The following ENAH variants were observed in gnomAD, a reference collection of about 807,000 sequenced individuals.
ENAH encodes ENAH actin regulator, also known as protein enabled homolog.
A neutral mutation model predicts 78.7 loss-of-function variants in ENAH; 23 were observed. The ratio of observed to expected loss-of-function variants is 0.29; its 90% CI spans 0.21 to 0.41. The LOEUF is 0.41. Ranked by LOEUF, ENAH falls within the 10% of genes least tolerant of loss-of-function variation. The pLI is 1.00. For missense variants in ENAH, 544 were observed against 691.0 expected (o/e 0.79, Z 2.39); for synonymous variants, 226 against 241.0 (o/e 0.94, Z 0.58).
At position 225,491,145 on chromosome 1, in the gene ENAH, CATTT is replaced by C. The variant is rs1187913128; in HGVS notation, c.*6626_*6629del. Reference sequence around the variant, plus strand: ...TTCTCACATAAAACACGTTGAAAAACATTTATTTATTTAGAGATGGAATCTCGCT... The same window carrying C: ...TTCTCACATAAAACACGTTGAAAAACATTTATTTAGAGATGGAATCTCGCT... On this transcript the variant is annotated 3_prime_UTR_variant, in exon 14 of 14. Coordinates refer to ENST00000366843, the MANE Select transcript of ENAH (RefSeq NM_018212.6). The C allele has an allele frequency of 3.3e-5, 5 of 152,044 alleles. No individual in the cohort carries two copies. The highest frequency in any genetic ancestry group is 9.7e-5 in the African/African-American group (4 of 41,428). 9.4% of individuals were successfully genotyped at this position (152,044 alleles called of 1,614,324 possible). A position where few individuals can be genotyped will look rare whatever the true frequency, so the allele number is the denominator to read the frequency against.
intron 1 of ENAH, among the ~76,000 whole-genome samples, chr1:225,643,346 A>G (rs559443413): frequency 3.3e-5 from 5 of 152,204 alleles, no homozygotes; most frequent in African/African-American, 1.2e-4. Flanking sequence ...AGTGAAGGTG[A>G]CCTGGTAGGA....
intron 7 of ENAH, among the ~76,000 whole-genome samples, chr1:225,513,684 A>T (rs1176490076): frequency 6.6e-6 from 1 of 152,282 alleles, no homozygotes; most frequent in East Asian, 1.9e-4. Flanking sequence ...TTACTCTCAA[A>T]TCATTCAAAC....
chr1:225,512,657 A>G lies in ENAH; in HGVS notation c.1422T>C (p.Gly474=), dbSNP rs1049884016. The change falls in exon 9 of 14, where the codon GGT becomes GGC. Residue 474 remains glycine (G), a splice_region_variant and synonymous_variant. Coordinates refer to ENST00000366843, the MANE Select transcript of ENAH (RefSeq NM_018212.6). ...TIETEQKEDK[G]EDSEPVTSKA... is the part of the protein sequence containing the mutation. Reference sequence around the variant, plus strand: ...TGGTAGACTATCTTTATTAACTTACACCTTTGTCCTCTTTTTGTTCTGTTT... The same window carrying G: ...TGGTAGACTATCTTTATTAACTTACGCCTTTGTCCTCTTTTTGTTCTGTTT... The G allele has an allele frequency of 1.9e-6, 3 of 1,612,504 alleles. No homozygotes were observed. The highest frequency in any genetic ancestry group is 2.5e-6 in the Non-Finnish European group (3 of 1,179,156).
chr1:225,652,586 G>A, intron 1 of ENAH, 100 bp downstream of exon 1: 4 of 1,166,280 alleles, frequency 3.4e-6, no homozygotes, highest in South Asian at 3.3e-5. Flanking sequence ...CAGGGGAGAC[G>A]CGCCGGGCCG....
At chr1:225,626,965 G>T in intron 1 of ENAH, among the ~76,000 whole-genome samples, 1 of 152,260 alleles carries the variant, frequency 6.6e-6, no homozygotes, top group African/African-American at 2.4e-5. Flanking sequence ...CACGACACAA[G>T]TACATATCAT....
chr1:225,548,165 C>CT (rs142174491), intron 3 of ENAH, among the ~76,000 whole-genome samples: 44 of 142,108 alleles, frequency 3.1e-4, no homozygotes, highest in Non-Finnish European at 2.9e-4. Flanking sequence ...TGAAAGCCTA[C>CT]TTTTTTTTTT....
At chr1:225,568,622 T>TA (rs2151519286) in intron 1 of ENAH, among the ~76,000 whole-genome samples, 1 of 152,332 alleles carries the variant, frequency 6.6e-6, no homozygotes, top group South Asian at 2.1e-4. Context: ...TCAAAAATTT[T>TA]AAACAATAAA....
At chr1:225,499,278 T>A (rs1771317) in intron 12 of ENAH, among the ~76,000 whole-genome samples, 16,335 of 150,384 alleles carry the variant, frequency 0.11, 951 homozygotes, top group South Asian at 0.25. Context: ...AAAAAAAAAA[T>A]AAATAAATAA....
At chr1:225,552,423 C>T (rs527568985) in intron 3 of ENAH, among the ~76,000 whole-genome samples, 10 of 152,294 alleles carry the variant, frequency 6.6e-5, no homozygotes, top group Middle Eastern at 3.4e-3. Context: ...CAGGCGTGAG[C>T]CACCGTGCCC....
chr1:225,498,268 T>C, intron 13 of ENAH, 79 bp downstream of exon 13: 3 of 1,180,260 alleles, frequency 2.5e-6, no homozygotes, highest in Non-Finnish European at 3.7e-6. Flanking sequence ...AGCTGGGTAT[T>C]TCCTTATTTG....
chr1:225,542,548 G>A (rs557379657), intron 3 of ENAH, among the ~76,000 whole-genome samples: 1 of 152,306 alleles, frequency 6.6e-6, no homozygotes, highest in East Asian at 1.9e-4. Context: ...ATTTCAAGAA[G>A]CTGCTTACCA....
chr1:225,502,886 TG>T (rs2096291944), intron 11 of ENAH, among the ~76,000 whole-genome samples: 1 of 152,238 alleles, frequency 6.6e-6, no homozygotes, highest in South Asian at 2.1e-4. Context: ...ATTCATACTC[TG>T]CTTTTCTTTT....
At chr1:225,582,788 A>G (rs2096825494) in intron 1 of ENAH, among the ~76,000 whole-genome samples, 1 of 152,204 alleles carries the variant, frequency 6.6e-6, no homozygotes, top group Non-Finnish European at 1.5e-5. Flanking sequence ...ACCAAGTTAT[A>G]CAGATCTGTG....
chr1:225,607,610 C>T (rs1372795408), intron 1 of ENAH, among the ~76,000 whole-genome samples: 3 of 151,664 alleles, frequency 2.0e-5, no homozygotes, highest in Non-Finnish European at 2.9e-5. Context: ...CCATCAGACA[C>T]TCAGCCCATT....
Position 225,512,929 on chromosome 1 carries a change from G to C in ENAH, c.1306C>G (p.Pro436Ala). 1 of 1,613,986 alleles carries C rather than the reference G, an allele frequency of 6.2e-7. No homozygotes were observed. The highest frequency in any genetic ancestry group is 8.5e-7 in the Non-Finnish European group (1 of 1,179,952). ...AAACCACTACCCCCTAAAGGAAGGG[G>C]TCCATTTCCACGGCCTGTATCTGTT... Reference protein sequence around the residue: ...SKTDTGRGNGPLPLGGSGLME... With the variant: ...SKTDTGRGNGALPLGGSGLME... Residue 436 changes from proline to alanine, a missense_variant, in exon 8 of 14, where the codon CCC becomes GCC. By Grantham distance (27) the Pro-to-Ala change is conservative. Around this residue, in one of 4 missense-constraint regions of ENAH, gnomAD observed 366 missense variants for 396.1 expected, o/e 0.92. Transcript: ENST00000366843.
intron 1 of ENAH, 56 bp downstream of exon 1, chr1:225,652,630 G>A (rs1663250482): frequency 4.0e-6 from 5 of 1,262,080 alleles, no homozygotes; most frequent in Non-Finnish European, 3.0e-6. Flanking sequence ...GAGAACGGGG[G>A]TCGCGGCTCC....
chr1:225,531,896 G>C (rs1218228206), intron 3 of ENAH, among the ~76,000 whole-genome samples: 2 of 151,804 alleles, frequency 1.3e-5, no homozygotes. Context: ...AATGTTTTTA[G>C]ATTAATCACT....
chr1:225,609,598 T>G (rs1360582344), intron 1 of ENAH, among the ~76,000 whole-genome samples: 1 of 151,302 alleles, frequency 6.6e-6, no homozygotes, highest in Non-Finnish European at 1.5e-5. Context: ...CAAAGAAATA[T>G]GTCAGTTGAT....
intron 3 of ENAH, among the ~76,000 whole-genome samples, chr1:225,540,325 CTTATCCA>C (rs1472069401): frequency 2.6e-5 from 4 of 152,170 alleles, no homozygotes. Context: ...ATTTCACTCT[CTTATCCA>C]CATGTAAAAA....
Sources: allele counts gnomAD v4.1 joint callset (sites outside exome capture counted in the v4.1 genomes callset), GRCh38; gene constraint gnomAD v4.1.1; regional missense constraint gnomAD v4.1.1; transcripts MANE v1.5; gene names NCBI Gene and HGNC (gene_info 2026-07-23, HGNC 2026-07-21).